Variants in CYB5R4 observed in about 807,000 individuals in gnomAD.
CYB5R4 encodes cytochrome b5 reductase 4, also known as N-terminal cytochrome b5 and cytochrome b5 oxidoreductase domain-containing protein.
In CYB5R4, 55 loss-of-function variants were observed where a neutral mutation model predicts 70.2. The observed-to-expected ratio is 0.78, with a 90% CI of 0.63 to 0.98. The LOEUF (loss-of-function observed/expected upper bound fraction) is 0.98, where lower values mean the gene tolerates loss of function less well. CYB5R4 is among the 50% of genes least tolerant of loss of function. CYB5R4 has a pLI of 0.00. For synonymous variants in CYB5R4, 197 were observed against 199.5 expected, an observed-to-expected ratio of 0.99 and a Z score of 0.11; for missense variants, 562 against 612.6, an observed-to-expected ratio of 0.92 and a Z score of 0.87.
At chr6:83,934,419 GAAATA>G (rs1409862351) in intron 10 of CYB5R4, among the ~76,000 whole-genome samples, 171 bp from the exon 11 acceptor site, 5 of 151,934 alleles carry the variant, frequency 3.3e-5, no homozygotes, top group Non-Finnish European at 7.4e-5. Context: ...CATATCTCAG[GAAATA>G]AAATGGAAAA....
At chr6:83,864,125 G>A in intron 1 of CYB5R4, 50 bp from the exon 2 acceptor site, 1 of 1,449,076 alleles carries the variant, frequency 6.9e-7, no homozygotes, top group East Asian at 2.4e-5. Flanking sequence ...TTTTAAAATG[G>A]AATTAAAAGT....
intron 12 of CYB5R4, among the ~76,000 whole-genome samples, 188 bp from the exon 13 acceptor site, chr6:83,939,868 T>TA (rs1312394274): frequency 6.6e-6 from 1 of 152,204 alleles, no homozygotes; most frequent in Non-Finnish European, 1.5e-5. Context: ...CTTAGGGGCC[T>TA]AATGAGTATC....
At chr6:83,869,852 G>T (rs1406295959) in intron 2 of CYB5R4, among the ~76,000 whole-genome samples, 1 of 152,056 alleles carries the variant, frequency 6.6e-6, no homozygotes, top group Non-Finnish European at 1.5e-5. Flanking sequence ...TGTTTTTGAG[G>T]TCTGTTTAGT....
chr6:83,865,277 A>G (rs2099456556), intron 2 of CYB5R4, among the ~76,000 whole-genome samples: 1 of 152,124 alleles, frequency 6.6e-6, no homozygotes, highest in Non-Finnish European at 1.5e-5. Flanking sequence ...TTCACAGTGG[A>G]TTGGTGATAT....
At chr6:83,861,303 G>C (rs9353144) in intron 1 of CYB5R4, among the ~76,000 whole-genome samples, 151,626 of 152,340 alleles carry the variant, frequency 1, 75,458 homozygotes, top group East Asian at 1. Context: ...TCAGACTCCA[G>C]TCTTCTTCCT....
At chr6:83,876,751 A>G (rs1418880033) in intron 2 of CYB5R4, among the ~76,000 whole-genome samples, 1 of 152,164 alleles carries the variant, frequency 6.6e-6, no homozygotes, top group East Asian at 1.9e-4. Context: ...TAATTAAAAA[A>G]TTATATTTTA....
At chr6:83,917,883 T>TA in intron 5 of CYB5R4, 122 bp from the exon 6 acceptor site, 1 of 729,240 alleles carries the variant, frequency 1.4e-6, no homozygotes, top group Non-Finnish European at 2.3e-6. Context: ...ATATATTGAG[T>TA]AGTACATTTG....
intron 2 of CYB5R4, among the ~76,000 whole-genome samples, chr6:83,867,346 TAAG>T (rs1340394168): frequency 6.6e-6 from 1 of 152,194 alleles, no homozygotes; most frequent in Non-Finnish European, 1.5e-5. Context: ...TGGAGAATTA[TAAG>T]AAGGAAGGCT....
At chr6:83,956,688 C>A (rs1325850297) in intron 15 of CYB5R4, among the ~76,000 whole-genome samples, 2 of 152,128 alleles carry the variant, frequency 1.3e-5, no homozygotes, top group African/African-American at 4.8e-5. Context: ...TTTTCCCCCA[C>A]AAAGGACAGA....
At chr6:83,875,348 C>T (rs1245536968) in intron 2 of CYB5R4, among the ~76,000 whole-genome samples, 1 of 152,110 alleles carries the variant, frequency 6.6e-6, no homozygotes, top group Non-Finnish European at 1.5e-5. Context: ...TGGGCTTAAG[C>T]GGTCCTCCTA....
intron 6 of CYB5R4, 51 bp downstream of exon 6, chr6:83,918,116 A>ATTTT: frequency 2.2e-6 from 3 of 1,345,314 alleles, no homozygotes; most frequent in Non-Finnish European, 2.1e-6. Flanking sequence ...ATGTACAAAA[A>ATTTT]TGTACACATT....
At chr6:83,916,142 T>A (rs2099465483) in intron 5 of CYB5R4, among the ~76,000 whole-genome samples, 1 of 152,128 alleles carries the variant, frequency 6.6e-6, no homozygotes, top group Admixed American at 6.5e-5. Flanking sequence ...TTTTTTAGAA[T>A]GTTTGATTAT....
intron 14 of CYB5R4, among the ~76,000 whole-genome samples, chr6:83,951,532 G>A (rs1170626108): frequency 6.6e-6 from 1 of 152,176 alleles, no homozygotes; most frequent in Non-Finnish European, 1.5e-5. Flanking sequence ...AGAACATGCA[G>A]TGTTTGGTTT....
chr6:83,928,389 A>ATGTTT (rs2099467656), intron 10 of CYB5R4, among the ~76,000 whole-genome samples: 1 of 152,180 alleles, frequency 6.6e-6, no homozygotes, highest in African/African-American at 2.4e-5. Context: ...CAAACTAAAC[A>ATGTTT]TGTTTTGTGG....
In CYB5R4 at chr6:83,965,700, G is replaced by A. The variant is rs377521477; in HGVS notation, c.*5822G>A. The A allele has an allele frequency of 9.2e-5, 14 of 152,246 alleles. No homozygotes were observed. The highest frequency in any genetic ancestry group is 2.9e-4 in the African/African-American group (12 of 41,538). The allele number at this position is 152,246 out of a possible 1,614,324, so 9.4% of individuals were successfully genotyped here. ...GGACATAAGATTTGGAGGAGCCAGGGGTGGGATGATATGGTTTGGCTCTGT... is the reference window on the plus strand; with the variant it reads ...GGACATAAGATTTGGAGGAGCCAGGAGTGGGATGATATGGTTTGGCTCTGT... On this transcript the variant is annotated 3_prime_UTR_variant, in exon 16 of 16. Transcript: ENST00000369681.
At chr6:83,879,397 G>A (rs2099459097) in intron 2 of CYB5R4, among the ~76,000 whole-genome samples, 1 of 152,112 alleles carries the variant, frequency 6.6e-6, no homozygotes, top group Non-Finnish European at 1.5e-5. Context: ...CATTTGCCTA[G>A]TGTCAGTGCA....
chr6:83,940,435 G>A (rs1446474688), intron 13 of CYB5R4, 80 bp from the exon 14 acceptor site: 1 of 1,324,840 alleles, frequency 7.5e-7, no homozygotes, highest in East Asian at 2.6e-5. Flanking sequence ...CATTCACACT[G>A]GTTCACTTTA....
chr6:83,921,038 A>G (rs1446692978), intron 7 of CYB5R4, 44 bp from the exon 8 acceptor site: 3 of 1,372,238 alleles, frequency 2.2e-6, no homozygotes, highest in East Asian at 2.7e-5. Context: ...AGTTTGGGGG[A>G]AAATTTTACT....
intron 2 of CYB5R4, among the ~76,000 whole-genome samples, chr6:83,873,159 T>C (rs543312824): frequency 1.3e-4 from 20 of 152,196 alleles, no homozygotes; most frequent in African/African-American, 4.6e-4. Flanking sequence ...TAAGAAATTA[T>C]CATGGGGTGT....
Sources: gnomAD v4.1 joint callset for allele counts (sites outside exome capture counted in the v4.1 genomes callset) on GRCh38, gnomAD v4.1.1 for gene constraint, MANE v1.5 for transcripts, NCBI Gene and HGNC (gene_info 2026-07-23, HGNC 2026-07-21) for gene names.